The following ITFG1 variants were observed in gnomAD, a reference collection of about 807,000 sequenced individuals.
ITFG1 encodes the protein integrin alpha FG-GAP repeat containing 1, also known as T-cell immunomodulatory protein.
In ITFG1, 34 loss-of-function variants were observed where a neutral mutation model predicts 81.8. The ratio of observed to expected loss-of-function variants is 0.42; its 90% CI spans 0.32 to 0.55. The LOEUF (loss-of-function observed/expected upper bound fraction) is 0.55, where lower values mean the gene tolerates loss of function less well. ITFG1 is among the 20% of genes least tolerant of loss of function. The probability of loss-of-function intolerance (pLI) is 0.17; values close to 1 mark genes in which losing one functional copy is unlikely to be tolerated. For synonymous variants in ITFG1, 285 were observed against 270.6 expected, an observed-to-expected ratio of 1.05 and a Z score of -0.52; for missense variants, 672 against 755.4, an observed-to-expected ratio of 0.89 and a Z score of 1.29.
At chr16:47,260,188 C>T (rs1021189266) in intron 11 of ITFG1, among the ~76,000 whole-genome samples, 4 of 152,088 alleles carry the variant, frequency 2.6e-5, no homozygotes, top group Admixed American at 1.3e-4. Flanking sequence ...CCGCCTGCCT[C>T]GGCCTCCCAA....
chr16:47,241,631 G>T (rs1257449320), intron 12 of ITFG1, among the ~76,000 whole-genome samples: 1 of 152,152 alleles, frequency 6.6e-6, no homozygotes, highest in African/African-American at 2.4e-5. Context: ...ATGAGTGGTT[G>T]CCTGGAGCTG....
chr16:47,448,750 G>T, intron 5 of ITFG1: 1 of 151,472 alleles, frequency 6.6e-6, no homozygotes, highest in East Asian at 1.9e-4. Context: ...AGTTTCCAAT[G>T]TCCTCTTATA....
chr16:47,419,585 C>T (rs542705144), intron 6 of ITFG1, among the ~76,000 whole-genome samples: 3 of 150,002 alleles, frequency 2.0e-5, no homozygotes, highest in East Asian at 2.0e-4. Flanking sequence ...TGCACTTTCA[C>T]GGCCTTACTT....
intron 8 of ITFG1, among the ~76,000 whole-genome samples, chr16:47,359,583 T>C (rs917677890): frequency 7.2e-5 from 11 of 152,198 alleles, no homozygotes; most frequent in Non-Finnish European, 1.3e-4. Context: ...TCTTAACTAG[T>C]CCCCTTGAAG....
chr16:47,171,262 C>T (rs1964958158), intron 14 of ITFG1, among the ~76,000 whole-genome samples: 2 of 152,088 alleles, frequency 1.3e-5, no homozygotes, highest in African/African-American at 4.8e-5. Context: ...CATGCTTTGG[C>T]CTCTCAAAGT....
intron 10 of ITFG1, among the ~76,000 whole-genome samples, chr16:47,295,532 ATCT>A (rs1350992141): frequency 7.9e-5 from 12 of 152,068 alleles, no homozygotes; most frequent in African/African-American, 2.7e-4. Flanking sequence ...ATTTCTTCCT[ATCT>A]TGAGAGGTTA....
At chr16:47,447,003 A>C (rs1182945160) in intron 5 of ITFG1, among the ~76,000 whole-genome samples, 1 of 151,856 alleles carries the variant, frequency 6.6e-6, no homozygotes, top group Non-Finnish European at 1.5e-5. Context: ...CTGGGACCAG[A>C]GGAGTGCACC....
chr16:47,373,913 C>T (rs946783962), intron 7 of ITFG1, among the ~76,000 whole-genome samples: 2 of 152,176 alleles, frequency 1.3e-5, no homozygotes, highest in African/African-American at 4.8e-5. Flanking sequence ...AATGATCATT[C>T]ATTTTATGAA....
At chr16:47,430,349 A>T (rs1471113553) in intron 5 of ITFG1, among the ~76,000 whole-genome samples, 1 of 152,026 alleles carries the variant, frequency 6.6e-6, no homozygotes, top group Non-Finnish European at 1.5e-5. Context: ...TACAGGCGTG[A>T]GCCACCATGC....
chr16:47,177,218 C>T (rs1425551229), intron 14 of ITFG1, among the ~76,000 whole-genome samples: 1 of 152,174 alleles, frequency 6.6e-6, no homozygotes, highest in African/African-American at 2.4e-5. Context: ...GATCCTCCCA[C>T]CTCAGCCTCC....
chr16:47,438,432 C>T (rs891013762), intron 5 of ITFG1, among the ~76,000 whole-genome samples: 1 of 152,146 alleles, frequency 6.6e-6, no homozygotes, highest in African/African-American at 2.4e-5. Flanking sequence ...TGGGAGGCAC[C>T]CCCCAGTAGG....
intron 14 of ITFG1, among the ~76,000 whole-genome samples, chr16:47,182,308 T>G (rs1267434129): frequency 6.6e-6 from 1 of 152,064 alleles, no homozygotes; most frequent in Non-Finnish European, 1.5e-5. Context: ...ATTTGCCATT[T>G]TGGATAAAAT....
At chr16:47,213,501 G>A (rs1240543722) in intron 14 of ITFG1, among the ~76,000 whole-genome samples, 1 of 152,000 alleles carries the variant, frequency 6.6e-6, no homozygotes, top group Non-Finnish European at 1.5e-5. Flanking sequence ...GAGAGATATT[G>A]AGGTCTCCAA....
intron 14 of ITFG1, among the ~76,000 whole-genome samples, chr16:47,215,014 G>A (rs1295840522): frequency 1.3e-5 from 2 of 151,598 alleles, no homozygotes; most frequent in Non-Finnish European, 2.9e-5. Flanking sequence ...CATCTGGGAT[G>A]TACTCTGATC....
intron 10 of ITFG1, among the ~76,000 whole-genome samples, chr16:47,295,398 T>C (rs1012702393): frequency 6.6e-6 from 1 of 152,204 alleles, no homozygotes; most frequent in South Asian, 2.1e-4. Context: ...AGTACTTCTT[T>C]GTACATTTAG....
intron 5 of ITFG1, among the ~76,000 whole-genome samples, chr16:47,437,859 G>A (rs1365796168): frequency 5.3e-5 from 8 of 152,216 alleles, no homozygotes; most frequent in Non-Finnish European, 1.0e-4. Flanking sequence ...GCAGCGCACC[G>A]TGTGTGAGCA....
intron 12 of ITFG1, among the ~76,000 whole-genome samples, chr16:47,253,202 C>T: frequency 6.6e-6 from 1 of 152,088 alleles, no homozygotes; most frequent in East Asian, 1.9e-4. Flanking sequence ...TAGAGATTCT[C>T]AAGACTCTCT....
intron 12 of ITFG1, among the ~76,000 whole-genome samples, chr16:47,243,741 C>T (rs1965964642): frequency 1.3e-5 from 2 of 152,048 alleles, no homozygotes; most frequent in South Asian, 4.1e-4. Context: ...CATAAAGTTC[C>T]ATTTAAAAGT....
intron 14 of ITFG1, among the ~76,000 whole-genome samples, chr16:47,200,133 C>G (rs976455875): frequency 6.6e-6 from 1 of 152,160 alleles, no homozygotes; most frequent in African/African-American, 2.4e-5. Context: ...GACCCCTGGG[C>G]TATACCATCT....
Sources: gnomAD v4.1 joint callset for allele counts (sites outside exome capture counted in the v4.1 genomes callset) on GRCh38, gnomAD v4.1.1 for gene constraint, MANE v1.5 for transcripts, NCBI Gene and HGNC (gene_info 2026-07-23, HGNC 2026-07-21) for gene names.